NDUFS1: variants seen among roughly 807,000 people sequenced by gnomAD.
The protein encoded by NDUFS1 is NADH:ubiquinone oxidoreductase core subunit S1.
In NDUFS1, 61 loss-of-function variants were observed where a neutral mutation model predicts 84.4. The observed-to-expected ratio is 0.72, with a 90% CI of 0.59 to 0.89. NDUFS1 has a LOEUF of 0.89. Ranked by LOEUF, NDUFS1 falls within the 40% of genes least tolerant of loss-of-function variation. NDUFS1 has a pLI of 0.00. For missense variants in NDUFS1, 891 were observed against 890.0 expected (o/e 1.00, Z -0.01); for synonymous variants, 275 against 290.0 (o/e 0.95, Z 0.53).
chr2:206,156,341 C>A (rs1425748732), intron 1 of NDUFS1, among the ~76,000 whole-genome samples: 2 of 149,252 alleles, frequency 1.3e-5, no homozygotes, highest in African/African-American at 5.0e-5. Flanking sequence ...GGGAGGCCAT[C>A]ACAGGAAGAT....
intron 8 of NDUFS1, among the ~76,000 whole-genome samples, chr2:206,145,839 A>C (rs558055814): frequency 3.3e-5 from 5 of 152,320 alleles, no homozygotes; most frequent in African/African-American, 1.2e-4. Context: ...AGCACGAGGC[A>C]AACTTGTTTG....
At chr2:206,139,045 G>A (rs1691831547) in intron 12 of NDUFS1, among the ~76,000 whole-genome samples, 1 of 151,710 alleles carries the variant, frequency 6.6e-6, no homozygotes, top group African/African-American at 2.4e-5. Flanking sequence ...GAACCCAGGA[G>A]GTAGAGGTTG....
rs1690942962 is a variant in NDUFS1 at position 206,116,392 on chromosome 2, C to T, written c.*7793G>A. On this transcript the variant is annotated 3_prime_UTR_variant, in exon 19 of 19. Transcript: ENST00000233190. ...CAGGCAGATTACAGTAACCAGACGGCGCCCATCCCAAGCTGCCAGGGCCTC... is the reference window on the plus strand; with the variant it reads ...CAGGCAGATTACAGTAACCAGACGGTGCCCATCCCAAGCTGCCAGGGCCTC... The T allele has an allele frequency of 7.5e-6, 6 of 802,122 alleles. No homozygotes were observed. Among genetic ancestry groups the T allele is most frequent in the Non-Finnish European group, 1.3e-5 (6 of 459,444 alleles). The allele number at this position is 802,122 out of a possible 1,614,324, so 49.7% of individuals were successfully genotyped here.
intron 8 of NDUFS1, among the ~76,000 whole-genome samples, chr2:206,145,382 T>G (rs1692119383): frequency 6.6e-6 from 1 of 152,146 alleles, no homozygotes; most frequent in Non-Finnish European, 1.5e-5. Context: ...CACCTTGGCC[T>G]CCTAAAAGCT....
chr2:206,150,485 T>C (rs562060969), intron 3 of NDUFS1, among the ~76,000 whole-genome samples: 1 of 152,350 alleles, frequency 6.6e-6, no homozygotes, highest in Admixed American at 6.5e-5. Context: ...TCTATAAACA[T>C]GTTCAAATTT....
intron 12 of NDUFS1, among the ~76,000 whole-genome samples, chr2:206,141,404 C>T (rs1488772674): frequency 1.3e-5 from 2 of 151,374 alleles, no homozygotes. Context: ...CAGGGGCGGG[C>T]GCCTGTAGTC....
At position 206,115,928 on chromosome 2, in the gene NDUFS1, T is replaced by C; in HGVS notation, c.*8257A>G. On this transcript the variant is annotated 3_prime_UTR_variant, in exon 19 of 19. Coordinates refer to ENST00000233190, the MANE Select transcript of NDUFS1 (RefSeq NM_005006.7). ...GATGTTGTGAAAAAGACACATATTATGTTTATCTACAATCATTAGAAAGTT... is the reference window on the plus strand; with the variant it reads ...GATGTTGTGAAAAAGACACATATTACGTTTATCTACAATCATTAGAAAGTT... 6 of 640,662 alleles carry C rather than the reference T, an allele frequency of 9.4e-6. No individual in the cohort carries two copies. The South Asian group carries it at 1.1e-4, about 11-fold the overall frequency. The allele number at this position is 640,662 out of a possible 1,614,324, so 39.7% of individuals were successfully genotyped here.
At chr2:206,144,161 A>G in intron 9 of NDUFS1, 29 bp from the exon 10 acceptor site, 2 of 1,497,884 alleles carry the variant, frequency 1.3e-6, no homozygotes, top group Non-Finnish European at 1.9e-6. Context: ...ACCATTGTGG[A>G]ATCTTGCTAA....
chr2:206,150,335 T>C (rs1042057919), intron 3 of NDUFS1, among the ~76,000 whole-genome samples: 16 of 152,226 alleles, frequency 1.1e-4, no homozygotes, highest in Non-Finnish European at 2.1e-4. Context: ...GCTATCTGTC[T>C]TTGGCTCCTA....
Position 206,142,699 on chromosome 2 carries a change from TG to T in NDUFS1, c.1119del (p.Thr374LeufsTer54), listed in dbSNP as rs757522804. Reference protein sequence around the residue: ...SDTLCTEEVFPTAGAGTDLRS... With the variant: ...SDTLCTEEVFXTAGAGTDLRS... ...CATATTTCTCACCCAGCTCCTGCAG[TG>T]GGGAAGACCTCTTCAGTGCATAAGG... On this transcript the variant is annotated frameshift_variant, in exon 11 of 19. Coordinates refer to ENST00000233190, the MANE Select transcript of NDUFS1 (RefSeq NM_005006.7). LOFTEE classifies it high-confidence loss of function. 1.2e-6 allele frequency: 2 copies of T among 1,614,164 alleles called. No individual in the cohort carries two copies. The highest frequency in any genetic ancestry group is 1.7e-5 in the Admixed American group (1 of 60,014).
chr2:206,145,245 T>C (rs1013530980), intron 8 of NDUFS1, among the ~76,000 whole-genome samples: 3 of 152,096 alleles, frequency 2.0e-5, no homozygotes, highest in Non-Finnish European at 4.4e-5. Flanking sequence ...ATGATCATAA[T>C]TCACTGCAGC....
intron 18 of NDUFS1, among the ~76,000 whole-genome samples, chr2:206,124,835 G>A (rs1170554339): frequency 6.6e-6 from 1 of 151,796 alleles, no homozygotes; most frequent in East Asian, 1.9e-4. Context: ...CAAGACTCTT[G>A]TCTCAAAAAA....
At position 206,116,724 on chromosome 2, in the gene NDUFS1, A is replaced by AAT. The variant is rs753697024; in HGVS notation, c.*7459_*7460dup. The AAT allele has an allele frequency of 1.1e-4, 29 of 260,228 alleles. No homozygotes were observed. The highest frequency in any genetic ancestry group is 1.9e-4 in the Non-Finnish European group (25 of 133,582). The allele number at this position is 260,228 out of a possible 1,614,324, so 16.1% of individuals were successfully genotyped here. A position where few individuals can be genotyped will look rare whatever the true frequency, so the allele number is the denominator to read the frequency against. ...AACATAGTGAGACCTGTCTCTATAA[A>AAT]ATATTTTTAAAAATTAGCTGGGCGC... On this transcript the variant is annotated 3_prime_UTR_variant, in exon 19 of 19. Coordinates refer to ENST00000233190, the MANE Select transcript of NDUFS1 (RefSeq NM_005006.7).
At chr2:206,153,513 T>TA in intron 2 of NDUFS1, 105 bp downstream of exon 2, 1 of 739,188 alleles carries the variant, frequency 1.4e-6, no homozygotes, top group South Asian at 1.6e-5. Context: ...ATTTTTATTT[T>TA]AAAAAATCAT....
chr2:206,129,526 G>A (rs1040165966), intron 15 of NDUFS1, among the ~76,000 whole-genome samples: 1 of 151,890 alleles, frequency 6.6e-6, no homozygotes, highest in African/African-American at 2.4e-5. Flanking sequence ...GCCTCTCAAA[G>A]TGGTGGGATT....
intron 16 of NDUFS1, among the ~76,000 whole-genome samples, chr2:206,127,232 CAAT>C (rs2105944468): frequency 6.6e-6 from 1 of 152,304 alleles, no homozygotes; most frequent in South Asian, 2.1e-4. Flanking sequence ...CAATTTTCAA[CAAT>C]AAAAGCACCA....
rs1036847774 is a variant in NDUFS1, at chr2:206,119,850, T to C, written c.*4335A>G. 1 of 152,124 alleles carries C rather than the reference T, an allele frequency of 6.6e-6. No homozygotes were observed. Among genetic ancestry groups the C allele is most frequent in the Admixed American group, 6.6e-5 (1 of 15,240 alleles). The allele number at this position is 152,124 out of a possible 1,614,324, so 9.4% of individuals were successfully genotyped here. A position where few individuals can be genotyped will look rare whatever the true frequency, so the allele number is the denominator to read the frequency against. The stretch of plus-strand genomic sequence containing the variant: ...TTTTTAAGAGTTGGGGGTCTTGTTA[T>C]GTTGCTGATATGGTTTGGATGGCTG... On this transcript the variant is annotated 3_prime_UTR_variant, in exon 19 of 19. Transcript: ENST00000233190.
chr2:206,147,588 A>G lies in NDUFS1; in HGVS notation c.494T>C (p.Ile165Thr), dbSNP rs1325775713. The part of the protein sequence containing the change: ...EGKRAVEDKN[I>T]GPLVKTIMTR... ...CATGATGGTCTTTACCAATGGCCCAATGTTCTTGTCTTCCACAGCACGCTT... is the reference window on the plus strand; with the variant it reads ...CATGATGGTCTTTACCAATGGCCCAGTGTTCTTGTCTTCCACAGCACGCTT... The change falls in exon 7 of 19, where the codon ATT becomes ACT. Residue 165 changes from isoleucine (I) to threonine (T), a missense_variant. Ile to Thr is a moderately conservative substitution (Grantham distance 89). Coordinates refer to ENST00000233190, the MANE Select transcript of NDUFS1 (RefSeq NM_005006.7). The G allele has an allele frequency of 6.2e-7, 1 of 1,614,172 alleles. No homozygotes were observed. Among genetic ancestry groups the G allele is most frequent in the South Asian group, 1.1e-5 (1 of 91,084 alleles).
At position 206,115,921 on chromosome 2, in the gene NDUFS1, CATATT is replaced by C. The variant is rs1202327950; in HGVS notation, c.*8259_*8263del. 9.5e-6 allele frequency: 6 copies of C among 629,002 alleles called. No individual in the cohort carries two copies. Among genetic ancestry groups the C allele is most frequent in the African/African-American group, 3.7e-5 (2 of 54,492 alleles). The allele number at this position is 629,002 out of a possible 1,614,324, so 39.0% of individuals were successfully genotyped here. On this transcript the variant is annotated 3_prime_UTR_variant, in exon 19 of 19. Coordinates refer to ENST00000233190, the MANE Select transcript of NDUFS1 (RefSeq NM_005006.7). ...ATCATAGGATGTTGTGAAAAAGACACATATTATGTTTATCTACAATCATTAGAAAG... is the reference window on the plus strand; with the variant it reads ...ATCATAGGATGTTGTGAAAAAGACACATGTTTATCTACAATCATTAGAAAG...
Sources: allele counts gnomAD v4.1 joint callset (sites outside exome capture counted in the v4.1 genomes callset), GRCh38; gene constraint gnomAD v4.1.1; transcripts MANE v1.5; gene names NCBI Gene and HGNC (gene_info 2026-07-23, HGNC 2026-07-21).